The following SPATA16 variants were observed in gnomAD, a reference collection of about 807,000 sequenced individuals.
SPATA16 encodes spermatogenesis associated 16, also known as spermatogenesis-associated protein 16.
Under a neutral mutation model 63.3 loss-of-function variants are expected in SPATA16, and 36 were observed. The ratio of observed to expected loss-of-function variants is 0.57; its 90% CI spans 0.44 to 0.75. The LOEUF is 0.75. Among genes scored for constraint, SPATA16 ranks in the 30% least tolerant of loss-of-function variants. The pLI, the probability that SPATA16 is intolerant of heterozygous loss-of-function variation, is 0.00. For synonymous variants in SPATA16, 203 were observed against 216.7 expected, an observed-to-expected ratio of 0.94 and a Z score of 0.56; for missense variants, 646 against 679.3, an observed-to-expected ratio of 0.95 and a Z score of 0.54.
chr3:172,978,288 A>C (rs1162146029), intron 4 of SPATA16, among the ~76,000 whole-genome samples: 10 of 152,150 alleles, frequency 6.6e-5, no homozygotes, highest in African/African-American at 1.9e-4. Flanking sequence ...TCTTAATGAT[A>C]AGGTAAAGAG....
At chr3:173,075,634 A>T (rs1484066383) in intron 2 of SPATA16, among the ~76,000 whole-genome samples, 1 of 152,190 alleles carries the variant, frequency 6.6e-6, no homozygotes, top group Non-Finnish European at 1.5e-5. Context: ...CAGGGATGGA[A>T]CGGGAAGACA....
chr3:172,951,496 TAAA>T (rs58045759), intron 6 of SPATA16, among the ~76,000 whole-genome samples: 2 of 148,426 alleles, frequency 1.3e-5, no homozygotes, highest in African/African-American at 4.9e-5. Flanking sequence ...TTTGATAATT[TAAA>T]AAAAAAAAAA....
intron 2 of SPATA16, among the ~76,000 whole-genome samples, chr3:173,068,581 C>T (rs573809997): frequency 6.6e-6 from 1 of 152,116 alleles, no homozygotes; most frequent in African/African-American, 2.4e-5. Context: ...CAATATGCTC[C>T]TGAATGACCA....
intron 1 of SPATA16, among the ~76,000 whole-genome samples, chr3:173,118,682 T>C (rs1737975676): frequency 6.6e-6 from 1 of 152,164 alleles, no homozygotes; most frequent in African/African-American, 2.4e-5. Context: ...AACTAAGGGA[T>C]AGAGGGATTA....
At chr3:173,070,394 CAAAAA>C (rs34180269) in intron 2 of SPATA16, among the ~76,000 whole-genome samples, 1 of 92,974 alleles carries the variant, frequency 1.1e-5, no homozygotes. Context: ...GACTCTGTCT[CAAAAA>C]AAAAAAAAAA....
intron 4 of SPATA16, among the ~76,000 whole-genome samples, chr3:172,994,493 C>T (rs1439056790): frequency 6.6e-6 from 1 of 152,062 alleles, no homozygotes; most frequent in Non-Finnish European, 1.5e-5. Flanking sequence ...CATAAAATAA[C>T]ATGCTGTGCT....
intron 4 of SPATA16, among the ~76,000 whole-genome samples, chr3:172,999,243 T>C (rs1306151500): frequency 1.3e-5 from 2 of 152,198 alleles, no homozygotes; most frequent in African/African-American, 2.4e-5. Context: ...CTATTCAGAT[T>C]GTCTATTTCT....
At chr3:172,892,162 T>C (rs367818574) in intron 10 of SPATA16, among the ~76,000 whole-genome samples, 1 of 152,210 alleles carries the variant, frequency 6.6e-6, no homozygotes, top group Admixed American at 6.5e-5. Context: ...TACTTTCTCT[T>C]GCCACCATTC....
chr3:173,002,710 G>C (rs1267024551), intron 4 of SPATA16, among the ~76,000 whole-genome samples: 1 of 152,168 alleles, frequency 6.6e-6, no homozygotes, highest in Non-Finnish European at 1.5e-5. Context: ...AGTGTGGTTT[G>C]GTGGTGCAAT....
Position 173,108,368 on chromosome 3 carries a change from T to A in SPATA16, c.612+8752A>T, listed in dbSNP as rs554500401. On this transcript the variant is annotated intron_variant, in intron 2 of 10. Coordinates refer to ENST00000351008, the MANE Select transcript of SPATA16 (RefSeq NM_031955.6). ...AATTTACATTTTTATATAATATTTT[T>A]AAATAGCTTTGTATATTTATTAATT... Among the ~76,000 whole-genome samples, 17 of 152,344 alleles carry A rather than the reference T, an allele frequency of 1.1e-4. No individual in the cohort carries two copies. In the South Asian group the frequency reaches 3.5e-3, roughly 32 times the overall value.
At chr3:172,926,008 T>G (rs1232635170) in intron 6 of SPATA16, among the ~76,000 whole-genome samples, 2 of 152,032 alleles carry the variant, frequency 1.3e-5, no homozygotes, top group Admixed American at 6.6e-5. Flanking sequence ...GTATTTTTAG[T>G]AGAGACGGGA....
At chr3:173,018,109 G>A in intron 4 of SPATA16, among the ~76,000 whole-genome samples, 1 of 152,118 alleles carries the variant, frequency 6.6e-6, no homozygotes, top group Non-Finnish European at 1.5e-5. Context: ...ACTGTTCAAA[G>A]TGGATCTTCA....
chr3:173,108,541 T>C (rs1737673283), intron 2 of SPATA16, among the ~76,000 whole-genome samples: 1 of 152,160 alleles, frequency 6.6e-6, no homozygotes, highest in Non-Finnish European at 1.5e-5. Flanking sequence ...CCAGGAATGA[T>C]CATTGCCTGG....
intron 10 of SPATA16, among the ~76,000 whole-genome samples, chr3:172,904,784 G>A (rs1046778121): frequency 6.6e-6 from 1 of 152,192 alleles, no homozygotes; most frequent in Non-Finnish European, 1.5e-5. Context: ...AAGGCTTTCG[G>A]CTCTCTCCAT....
intron 1 of SPATA16, among the ~76,000 whole-genome samples, chr3:173,138,537 C>T (rs921056497): frequency 3.3e-5 from 5 of 152,092 alleles, no homozygotes; most frequent in Admixed American, 2.0e-4. Context: ...AAGGCACATG[C>T]ACAACTTATT....
intron 6 of SPATA16, among the ~76,000 whole-genome samples, chr3:172,943,831 T>C (rs1733217468): frequency 6.6e-6 from 1 of 152,088 alleles, no homozygotes; most frequent in Non-Finnish European, 1.5e-5. Context: ...AGCTCCTTGA[T>C]GAGATAAAAT....
chr3:173,062,044 ATTTTTTTT>A (rs10618031), intron 2 of SPATA16, among the ~76,000 whole-genome samples: 2 of 115,532 alleles, frequency 1.7e-5, no homozygotes, highest in Non-Finnish European at 3.4e-5. Flanking sequence ...GTGCTTCAAC[ATTTTTTTT>A]TTTTTTTTTT....
At chr3:173,034,232 TA>T (rs1197593055) in intron 3 of SPATA16, among the ~76,000 whole-genome samples, 4 of 152,202 alleles carry the variant, frequency 2.6e-5, no homozygotes, top group Non-Finnish European at 4.4e-5. Context: ...TGCATTCTAT[TA>T]TTTTTTATGC....
chr3:172,929,348 C>T (rs941548971), intron 6 of SPATA16, among the ~76,000 whole-genome samples: 1 of 152,144 alleles, frequency 6.6e-6, no homozygotes, highest in Non-Finnish European at 1.5e-5. Flanking sequence ...CTCACAGAAA[C>T]ATAATCTTTC....
Sources: gnomAD v4.1 joint callset for allele counts (sites outside exome capture counted in the v4.1 genomes callset) on GRCh38, gnomAD v4.1.1 for gene constraint, MANE v1.5 for transcripts, NCBI Gene and HGNC (gene_info 2026-07-23, HGNC 2026-07-21) for gene names.